Variants in PBX4 observed in about 807,000 individuals in gnomAD.
The protein encoded by PBX4 is pre-B-cell leukemia transcription factor 4.
Under a neutral mutation model 35.1 loss-of-function variants are expected in PBX4, and 26 were observed. The observed-to-expected ratio is 0.74, with a 90% CI of 0.54 to 1.03. The LOEUF is 1.03. Ranked by LOEUF, PBX4 falls within the 50% of genes least tolerant of loss-of-function variation. The pLI is 0.00. For synonymous variants in PBX4, 199 were observed against 204.2 expected (o/e 0.97, Z 0.22); for missense variants, 448 against 504.3 (o/e 0.89, Z 1.07).
intron 1 of PBX4, among the ~76,000 whole-genome samples, chr19:19,615,109 G>A (rs2061681611): frequency 7.2e-6 from 1 of 139,534 alleles, no homozygotes; most frequent in Non-Finnish European, 1.5e-5. Flanking sequence ...AGGTTGCAGT[G>A]AGCTGAGACT....
At chr19:19,599,635 T>C (rs2061584221) in intron 1 of PBX4, among the ~76,000 whole-genome samples, 1 of 151,796 alleles carries the variant, frequency 6.6e-6, no homozygotes, top group Non-Finnish European at 1.5e-5. Context: ...GTCAGGAGTT[T>C]GAGACCAGCC....
intron 2 of PBX4, among the ~76,000 whole-genome samples, chr19:19,574,233 A>C (rs2061405380): frequency 6.6e-6 from 1 of 152,086 alleles, no homozygotes; most frequent in Non-Finnish European, 1.5e-5. Flanking sequence ...GAATGAGGGC[A>C]TCAGGATACA....
chr19:19,590,923 G>A (rs1599364642), intron 2 of PBX4, among the ~76,000 whole-genome samples: 1 of 152,346 alleles, frequency 6.6e-6, no homozygotes. Flanking sequence ...CACCAGCCCT[G>A]TGTGGCTGCT....
chr19:19,610,453 AAACAACAC>A (rs2061657271), intron 1 of PBX4, among the ~76,000 whole-genome samples: 1 of 151,910 alleles, frequency 6.6e-6, no homozygotes, highest in African/African-American at 2.4e-5. Flanking sequence ...AAAAAAATAA[AAACAACAC>A]AATTCAAGCT....
chr19:19,587,574 C>T (rs980045246), intron 2 of PBX4, among the ~76,000 whole-genome samples: 2 of 127,802 alleles, frequency 1.6e-5, no homozygotes, highest in African/African-American at 5.8e-5. Context: ...GGTGACAGAG[C>T]AAGACTCCGT....
Position 19,562,437 on chromosome 19 carries a change from G to A in PBX4, c.1033-320C>T, listed in dbSNP as rs1667232795. Among the ~76,000 whole-genome samples the A allele has an allele frequency of 6.6e-6, 1 of 152,178 alleles. No homozygotes were observed. The highest frequency in any genetic ancestry group is 1.5e-5 in the Non-Finnish European group (1 of 68,030). ...TGCCCGGCGAGGGGCAGGGAGGCAA[G>A]GTCAGGCCTGGAGCCCATGATGACG... On this transcript the variant is annotated intron_variant, in intron 7 of 7. Transcript: ENST00000251203. This position sits in a 1 kb window ranked among gnomAD's most constrained non-coding sequence, Gnocchi z 4.8.
intron 5 of PBX4, among the ~76,000 whole-genome samples, chr19:19,565,302 G>A (rs536609007): frequency 6.6e-6 from 1 of 152,338 alleles, no homozygotes; most frequent in South Asian, 2.1e-4. Context: ...CCCTGGAGCT[G>A]GCGTGTCTTA....
chr19:19,566,923 T>C (rs1040201303), intron 5 of PBX4, among the ~76,000 whole-genome samples: 21 of 152,202 alleles, frequency 1.4e-4, no homozygotes, highest in Non-Finnish European at 3.1e-4. Flanking sequence ...TTGGCCAGGC[T>C]GGTCTCGAAC....
At chr19:19,605,452 T>C (rs953719793) in intron 1 of PBX4, among the ~76,000 whole-genome samples, 1 of 130,156 alleles carries the variant, frequency 7.7e-6, no homozygotes, top group Non-Finnish European at 1.7e-5. Flanking sequence ...ATAATAACAA[T>C]AATAATAATA....
intron 2 of PBX4, among the ~76,000 whole-genome samples, chr19:19,591,060 C>T (rs2061525166): frequency 6.6e-6 from 1 of 152,072 alleles, no homozygotes; most frequent in Non-Finnish European, 1.5e-5. Flanking sequence ...GACTCAGGGG[C>T]TCAATTTGTG....
intron 5 of PBX4, among the ~76,000 whole-genome samples, chr19:19,568,229 A>G (rs2061356402): frequency 6.9e-6 from 1 of 144,794 alleles, no homozygotes; most frequent in East Asian, 2.2e-4. Context: ...CTCACACTCC[A>G]TCTGTATCCC....
At chr19:19,603,603 G>A (rs1412258262) in intron 1 of PBX4, among the ~76,000 whole-genome samples, 1 of 152,104 alleles carries the variant, frequency 6.6e-6, no homozygotes. Context: ...AAGATAGGAG[G>A]TACTAGCACA....
In PBX4 at chr19:19,601,359, A is replaced by G. The variant is rs574234838; in HGVS notation, c.120-1994T>C. Among the ~76,000 whole-genome samples the G allele has an allele frequency of 5.9e-5, 9 of 152,182 alleles. 1 individual carries two copies. On this transcript the variant is annotated intron_variant, in intron 1 of 7. Transcript: ENST00000251203. ...GCTGAGTGTTAGGGGTGAGGGAGAG[A>G]GCTACGAGAAGTTAGACTGGCAAGT...
At chr19:19,578,703 A>T (rs982535481) in intron 2 of PBX4, among the ~76,000 whole-genome samples, 6 of 152,218 alleles carry the variant, frequency 3.9e-5, no homozygotes, top group South Asian at 2.1e-4. Context: ...AATCGGGATT[A>T]TGTTTTTCTA....
At chr19:19,614,643 G>T (rs1442304343) in intron 1 of PBX4, among the ~76,000 whole-genome samples, 1 of 151,970 alleles carries the variant, frequency 6.6e-6, no homozygotes, top group East Asian at 1.9e-4. Flanking sequence ...CTGGACAACA[G>T]AGTATGAGAC....
At chr19:19,569,280 G>A (rs577828249) in intron 5 of PBX4, among the ~76,000 whole-genome samples, 169 bp downstream of exon 5, 3 of 152,092 alleles carry the variant, frequency 2.0e-5, no homozygotes, top group South Asian at 2.1e-4. Context: ...GGCTGGTCTC[G>A]AACTCCTGGC....
chr19:19,578,966 A>C (rs550436514), intron 2 of PBX4, among the ~76,000 whole-genome samples: 1 of 152,218 alleles, frequency 6.6e-6, no homozygotes, highest in South Asian at 2.1e-4. Flanking sequence ...AAGCCAAGAG[A>C]AAAGGCCTCA....
At chr19:19,590,373 T>C (rs1049566548) in intron 2 of PBX4, among the ~76,000 whole-genome samples, 5 of 152,164 alleles carry the variant, frequency 3.3e-5, no homozygotes, top group African/African-American at 1.2e-4. Flanking sequence ...GTTTTCAAGG[T>C]GCACCCATGT....
rs753480480 is a variant in PBX4, at chr19:19,563,482, C to T, written c.1032+27G>A. On this transcript the variant is annotated intron_variant, in intron 7 of 7. Coordinates refer to ENST00000251203, the MANE Select transcript of PBX4 (RefSeq NM_025245.3). This position sits in a 1 kb window ranked among gnomAD's most constrained non-coding sequence, Gnocchi z 5.1. The stretch of plus-strand genomic sequence containing the variant: ...TCTGAGAACCTACCACCCACCTGGG[C>T]GCTGTGGGACAGTGCCTGAGACTCA... 45 of 1,494,978 alleles carry T rather than the reference C, an allele frequency of 3.0e-5. No homozygotes were observed. In the South Asian group the frequency reaches 4.6e-4, roughly 15 times the overall value. 92.6% of individuals were successfully genotyped at this position (1,494,978 alleles called of 1,614,324 possible).
Sources: allele counts gnomAD v4.1 joint callset (sites outside exome capture counted in the v4.1 genomes callset), GRCh38; gene constraint gnomAD v4.1.1; non-coding constraint Gnocchi (gnomAD v3.1); transcripts MANE v1.5; gene names NCBI Gene and HGNC (gene_info 2026-07-23, HGNC 2026-07-21).